Variants in EML5 observed in about 807,000 individuals in gnomAD.
EML5 encodes EMAP like 5.
A neutral mutation model predicts 250.0 loss-of-function variants in EML5; 120 were observed. The observed-to-expected ratio is 0.48, with a 90% CI of 0.41 to 0.56. The LOEUF is 0.56. Among genes scored for constraint, EML5 ranks in the 20% least tolerant of loss-of-function variants. EML5 has a pLI of 0.00. For synonymous variants in EML5, 771 were observed against 806.5 expected (o/e 0.96, Z 0.75); for missense variants, 2,006 against 2,437.6 (o/e 0.82, Z 3.73).
intron 6 of EML5, among the ~76,000 whole-genome samples, chr14:88,737,981 G>C (rs1187415727): frequency 6.6e-6 from 1 of 151,970 alleles, no homozygotes; most frequent in Non-Finnish European, 1.5e-5. Flanking sequence ...GCCTACTCCT[G>C]AATGTCTTTT....
chr14:88,697,718 T>C (rs2093112139), intron 14 of EML5, among the ~76,000 whole-genome samples: 1 of 152,168 alleles, frequency 6.6e-6, no homozygotes, highest in Non-Finnish European at 1.5e-5. Context: ...TTATAGTTAA[T>C]TTTGAGACTG....
intron 25 of EML5, among the ~76,000 whole-genome samples, chr14:88,659,858 T>G (rs545965720): frequency 6.6e-6 from 1 of 152,322 alleles, no homozygotes; most frequent in African/African-American, 2.4e-5. Flanking sequence ...AATATTAATA[T>G]GAGCAGTTAC....
intron 2 of EML5, among the ~76,000 whole-genome samples, chr14:88,752,047 T>C (rs538785376): frequency 8.3e-4 from 127 of 152,308 alleles, no homozygotes; most frequent in Non-Finnish European, 1.5e-3. Context: ...AGCTATTATG[T>C]TTTTATGAAC....
intron 17 of EML5, among the ~76,000 whole-genome samples, chr14:88,691,789 A>C (rs1467149546): frequency 6.6e-6 from 1 of 152,162 alleles, no homozygotes; most frequent in African/African-American, 2.4e-5. Context: ...TGGTTAATGA[A>C]CTCTGTGGAT....
At chr14:88,698,389 C>T (rs1157568297) in intron 14 of EML5, among the ~76,000 whole-genome samples, 1 of 151,030 alleles carries the variant, frequency 6.6e-6, no homozygotes, top group African/African-American at 2.4e-5. Context: ...GTCTCAACTT[C>T]CCAAGTAGCT....
intron 23 of EML5, among the ~76,000 whole-genome samples, 162 bp from the exon 24 acceptor site, chr14:88,663,281 C>T (rs2092190205): frequency 6.6e-6 from 1 of 151,938 alleles, no homozygotes; most frequent in South Asian, 2.1e-4. Flanking sequence ...TTTATAATTC[C>T]ATATTACTAA....
At chr14:88,698,480 G>T (rs1445515189) in intron 14 of EML5, among the ~76,000 whole-genome samples, 3 of 151,878 alleles carry the variant, frequency 2.0e-5, no homozygotes, top group Non-Finnish European at 2.9e-5. Context: ...TGTCCAGGCT[G>T]GTCTTGAACT....
intron 27 of EML5, 56 bp from the exon 28 acceptor site, chr14:88,649,982 A>G (rs2091543441): frequency 8.5e-6 from 11 of 1,301,476 alleles, no homozygotes; most frequent in Non-Finnish European, 1.1e-5. Context: ...TTGATGATGA[A>G]TAGAATACAG....
chr14:88,652,854 CTT>C (rs1420693792), intron 27 of EML5, among the ~76,000 whole-genome samples: 6 of 152,052 alleles, frequency 3.9e-5, no homozygotes, highest in Non-Finnish European at 8.8e-5. Flanking sequence ...AGCTCAGAGA[CTT>C]TATTAAAAAG....
chr14:88,684,461 C>A (rs1056207975), intron 20 of EML5, among the ~76,000 whole-genome samples: 2 of 146,826 alleles, frequency 1.4e-5, no homozygotes, highest in Non-Finnish European at 3.0e-5. Flanking sequence ...TGAGCCACCG[C>A]GCCCGGCCTG....
chr14:88,634,596 T>TA (rs2090618671), intron 32 of EML5, 107 bp from the exon 33 acceptor site: 1 of 576,734 alleles, frequency 1.7e-6, no homozygotes, highest in South Asian at 4.0e-5. Flanking sequence ...AAATTGGTTT[T>TA]ATTACATTTG....
Position 88,702,514 on chromosome 14 carries a change from G to C in EML5, c.2170C>G (p.Leu724Val). ...NRQQNTQRFY[L>V]GHDDDILCLT... ...CAGAGAATATCATCATCATGACCCAGATAAAAACGCTGTGTGTTTTGCTGT... is the reference window on the plus strand; with the variant it reads ...CAGAGAATATCATCATCATGACCCACATAAAAACGCTGTGTGTTTTGCTGT... The change falls in exon 14 of 44, where the codon CTG becomes GTG. Residue 724 changes from leucine (L) to valine (V), a missense_variant. Physicochemically the swap from Leu to Val is conservative, Grantham distance 32. Transcript: ENST00000554922. 1 of 1,613,326 alleles carries C rather than the reference G, an allele frequency of 6.2e-7. No homozygotes were observed. The highest frequency in any genetic ancestry group is 8.5e-7 in the Non-Finnish European group (1 of 1,179,568).
chr14:88,766,164 C>T (rs902685909), intron 1 of EML5, among the ~76,000 whole-genome samples: 5 of 152,020 alleles, frequency 3.3e-5, no homozygotes, highest in Admixed American at 1.3e-4. Flanking sequence ...GTGATTATTG[C>T]GTTAACTGCA....
rs1262093672 is a variant in EML5, at chr14:88,792,436, T to C, written c.68A>G (p.Gln23Arg). 1 of 1,545,242 alleles carries C rather than the reference T, an allele frequency of 6.5e-7. No individual in the cohort carries two copies. The change falls in exon 1 of 44, where the codon CAG becomes CGG. Residue 23 changes from glutamine to arginine, a missense_variant. By Grantham distance (43) the Gln-to-Arg change is conservative. Around this residue, in one of 7 missense-constraint regions of EML5, gnomAD observed 162 missense variants for 212.2 expected, o/e 0.76. Coordinates refer to ENST00000554922, the MANE Select transcript of EML5 (RefSeq NM_183387.3). This position sits in a 1 kb window ranked among gnomAD's most constrained non-coding sequence, Gnocchi z 6.9. ...AGTGTAGTAGAGGTTGTTGCGGCAC[T>C]GGTGGCCCCGGTAGCCGTACACCCA... ...LEWVYGYRGH[Q>R]CRNNLYYTAA...
At chr14:88,669,796 C>G (rs955704110) in intron 21 of EML5, among the ~76,000 whole-genome samples, 1 of 152,158 alleles carries the variant, frequency 6.6e-6, no homozygotes. Flanking sequence ...TGGGTGAGAC[C>G]ACCCCAACAG....
At position 88,721,724 on chromosome 14, in the gene EML5, G is replaced by T. The variant is rs148595239; in HGVS notation, c.1187+4817C>A. On this transcript the variant is annotated intron_variant, in intron 8 of 43. Coordinates refer to ENST00000554922, the MANE Select transcript of EML5 (RefSeq NM_183387.3). ...TGGGCATGCGCAAAGATTTCATGAA[G>T]AAATCGCTAAAAGCAGCTGCAACAA... Among the ~76,000 whole-genome samples, 196 of 152,140 alleles carry T rather than the reference G, an allele frequency of 1.3e-3. 1 individual carries two copies. The highest frequency in any genetic ancestry group is 4.5e-3 in the African/African-American group (188 of 41,546).
intron 21 of EML5, among the ~76,000 whole-genome samples, chr14:88,677,649 A>G (rs992369805): frequency 2.0e-5 from 3 of 152,232 alleles, no homozygotes; most frequent in African/African-American, 7.2e-5. Flanking sequence ...ATAAGCAGAC[A>G]ATTCTCAAAA....
chr14:88,688,219 C>T lies in EML5; in HGVS notation c.2742+52G>A. 2.5e-6 allele frequency: 4 copies of T among 1,591,088 alleles called. No individual in the cohort carries two copies. The South Asian group carries it at 4.4e-5, about 18-fold the overall frequency. Reference sequence around the variant, plus strand: ...GTGTTCCTTTACTTCTTAAAATGCTCTACACTCCAGGACAAATTTTGTTTA... The same window carrying T: ...GTGTTCCTTTACTTCTTAAAATGCTTTACACTCCAGGACAAATTTTGTTTA... On this transcript the variant is annotated intron_variant, in intron 18 of 43. Transcript: ENST00000554922.
At chr14:88,730,186 C>A (rs904669911) in intron 7 of EML5, among the ~76,000 whole-genome samples, 1 of 152,118 alleles carries the variant, frequency 6.6e-6, no homozygotes, top group African/African-American at 2.4e-5. Context: ...GATGGCAAAG[C>A]ATTAGGTTTA....
Sources: gnomAD v4.1 joint callset for allele counts (sites outside exome capture counted in the v4.1 genomes callset) on GRCh38, gnomAD v4.1.1 for gene constraint, gnomAD v4.1.1 regional missense constraint, Gnocchi (gnomAD v3.1) non-coding constraint, MANE v1.5 for transcripts, NCBI Gene and HGNC (gene_info 2026-07-23, HGNC 2026-07-21) for gene names.